The following MAN1C1 variants were observed in gnomAD, a reference collection of about 807,000 sequenced individuals.
MAN1C1 encodes the protein mannosyl-oligosaccharide 1,2-alpha-mannosidase IC.
A neutral mutation model predicts 71.5 loss-of-function variants in MAN1C1; 49 were observed. The ratio of observed to expected loss-of-function variants is 0.69; its 90% CI spans 0.54 to 0.87. The LOEUF is 0.87. Among genes scored for constraint, MAN1C1 ranks in the 40% least tolerant of loss-of-function variants. The pLI is 0.00. For synonymous variants in MAN1C1, 352 were observed against 343.7 expected (o/e 1.02, Z -0.27); for missense variants, 743 against 835.0 (o/e 0.89, Z 1.36).
intron 2 of MAN1C1, among the ~76,000 whole-genome samples, chr1:25,737,455 T>C (rs993700757): frequency 2.0e-5 from 3 of 152,198 alleles, no homozygotes; most frequent in Non-Finnish European, 2.9e-5. Flanking sequence ...TGCTGTGTCT[T>C]CTCCGAGTCC....
In MAN1C1 at chr1:25,632,015, C is replaced by T. The variant is rs150745875; in HGVS notation, c.540+13678C>T. ...TGAATCCTGAACTCCTGACCTCAAG[C>T]GATCCGCCCACTTTGGCCTCCCAAA... On this transcript the variant is annotated intron_variant, in intron 1 of 11. Coordinates refer to ENST00000374332, the MANE Select transcript of MAN1C1 (RefSeq NM_020379.4). Among the ~76,000 whole-genome samples, 301 of 152,280 alleles carry T rather than the reference C, an allele frequency of 2.0e-3. 2 individuals carry two copies. Among genetic ancestry groups the T allele is most frequent in the African/African-American group, 6.8e-3 (281 of 41,554 alleles).
At position 25,634,732 on chromosome 1, in the gene MAN1C1, A is replaced by C. The variant is rs1557741833; in HGVS notation, c.540+16395A>C. Among the ~76,000 whole-genome samples the C allele has an allele frequency of 6.6e-6, 1 of 152,086 alleles. No homozygotes were observed. The highest frequency in any genetic ancestry group is 2.4e-5 in the African/African-American group (1 of 41,386). ...CTATTCAGGAGGCTGGGGCACGAGA[A>C]TTGCTTGAACTAGGGAGGCGGAGGT... On this transcript the variant is annotated intron_variant, in intron 1 of 11. Transcript: ENST00000374332. The surrounding 1 kb of genome is among the most constrained non-coding windows in gnomAD (Gnocchi z 4.6).
At chr1:25,653,322 T>C (rs2045719077) in intron 1 of MAN1C1, among the ~76,000 whole-genome samples, 1 of 152,182 alleles carries the variant, frequency 6.6e-6, no homozygotes, top group Non-Finnish European at 1.5e-5. Flanking sequence ...CAAGTGATCC[T>C]TCTGCCTCAG....
chr1:25,677,846 CTTTTTTTTTT>C (rs772618301), intron 1 of MAN1C1, among the ~76,000 whole-genome samples: 11 of 98,308 alleles, frequency 1.1e-4, no homozygotes, highest in Admixed American at 3.6e-4. Context: ...TAAAGACCTC[CTTTTTTTTTT>C]TTTTTTTTTT....
chr1:25,656,093 G>GTTTTTTT, intron 1 of MAN1C1, among the ~76,000 whole-genome samples: 1 of 79,894 alleles, frequency 1.3e-5, no homozygotes. Context: ...GGGATTATCA[G>GTTTTTTT]TCTTTTTTTT....
intron 2 of MAN1C1, among the ~76,000 whole-genome samples, chr1:25,737,737 G>C (rs1047941643): frequency 1.3e-5 from 2 of 152,088 alleles, no homozygotes; most frequent in Admixed American, 1.3e-4. Flanking sequence ...GGTCAGTTCT[G>C]CTTGGTGGCT....
intron 1 of MAN1C1, among the ~76,000 whole-genome samples, chr1:25,664,595 C>A (rs1374532839): frequency 1.3e-5 from 2 of 152,184 alleles, no homozygotes; most frequent in Non-Finnish European, 2.9e-5. Flanking sequence ...GGACAGAGTT[C>A]AAGTTGAGTT....
At chr1:25,676,550 A>G (rs2046070921) in intron 1 of MAN1C1, among the ~76,000 whole-genome samples, 1 of 152,146 alleles carries the variant, frequency 6.6e-6, no homozygotes, top group South Asian at 2.1e-4. Context: ...GTGGAAGAGG[A>G]GAAAAAAATC....
chr1:25,650,714 A>G (rs891813810), intron 1 of MAN1C1, among the ~76,000 whole-genome samples: 12 of 152,192 alleles, frequency 7.9e-5, no homozygotes, highest in African/African-American at 2.9e-4. Flanking sequence ...ACACCGATAA[A>G]TCTACCAAAC....
rs2047684250 is a variant in MAN1C1, at chr1:25,780,931, T to C, written c.1478-9T>C. On this transcript the variant is annotated splice_polypyrimidine_tract_variant and intron_variant, in intron 9 of 11. Coordinates refer to ENST00000374332, the MANE Select transcript of MAN1C1 (RefSeq NM_020379.4). ...CTGACCTGGGCCCTCTGCTTGGCTG[T>C]TTCCCCAGACACCAAACTTGGGCCT... The C allele has an allele frequency of 6.2e-7, 1 of 1,613,202 alleles. No individual in the cohort carries two copies. The highest frequency in any genetic ancestry group is 8.5e-7 in the Non-Finnish European group (1 of 1,179,500).
intron 1 of MAN1C1, among the ~76,000 whole-genome samples, chr1:25,680,792 T>C (rs1212857487): frequency 6.6e-6 from 1 of 152,216 alleles, no homozygotes; most frequent in African/African-American, 2.4e-5. Context: ...AGTTTTTGTG[T>C]GGCTGTATGT....
At chr1:25,675,584 C>CG (rs61385512) in intron 1 of MAN1C1, among the ~76,000 whole-genome samples, 989 of 56,282 alleles carry the variant, frequency 0.018, 19 homozygotes, top group East Asian at 0.057. Context: ...ACTTATTTTG[C>CG]GGGGGGGGGG....
At chr1:25,675,589 G>A (rs111300678) in intron 1 of MAN1C1, among the ~76,000 whole-genome samples, 25 of 144,562 alleles carry the variant, frequency 1.7e-4, no homozygotes, top group South Asian at 4.6e-4. Flanking sequence ...TTTTGCGGGG[G>A]GGGGGGGAGG....
At chr1:25,668,207 C>A (rs2045949307) in intron 1 of MAN1C1, among the ~76,000 whole-genome samples, 1 of 152,074 alleles carries the variant, frequency 6.6e-6, no homozygotes, top group Admixed American at 6.6e-5. Context: ...TTATTAAGTT[C>A]TCAGCTCAGC....
intron 2 of MAN1C1, chr1:25,710,141 CAG>C (rs2124245791): frequency 1.3e-5 from 2 of 152,326 alleles, no homozygotes; most frequent in East Asian, 3.9e-4. Context: ...CTGGAGAAAA[CAG>C]AGGTGAGTAA....
intron 2 of MAN1C1, among the ~76,000 whole-genome samples, chr1:25,692,988 AG>A (rs972085133): frequency 9.8e-5 from 15 of 152,286 alleles, no homozygotes; most frequent in Middle Eastern, 3.4e-3. Context: ...TGAACAACAC[AG>A]GGGTAAGAGG....
chr1:25,770,393 T>C (rs531252335), intron 7 of MAN1C1, among the ~76,000 whole-genome samples: 36 of 152,374 alleles, frequency 2.4e-4, no homozygotes, highest in South Asian at 8.3e-4. Flanking sequence ...TCGACCCCCA[T>C]TCCTGGGTCC....
chr1:25,759,155 A>C (rs527391680), intron 6 of MAN1C1: 76 of 191,656 alleles, frequency 4.0e-4, no homozygotes, highest in African/African-American at 1.7e-3. Context: ...TGTTTAGCTC[A>C]TGCCATCAGC....
chr1:25,765,625 G>A (rs1254482649), intron 7 of MAN1C1, among the ~76,000 whole-genome samples: 1 of 152,228 alleles, frequency 6.6e-6, no homozygotes, highest in African/African-American at 2.4e-5. Context: ...GTGCCATGGA[G>A]GGGCGTAGGA....
Sources: gnomAD v4.1 joint callset for allele counts (sites outside exome capture counted in the v4.1 genomes callset) on GRCh38, gnomAD v4.1.1 for gene constraint, Gnocchi (gnomAD v3.1) non-coding constraint, MANE v1.5 for transcripts, NCBI Gene and HGNC (gene_info 2026-07-23, HGNC 2026-07-21) for gene names.